Variants in RSPO4 observed in about 807,000 individuals in gnomAD.
The protein encoded by RSPO4 is R-spondin-4.
Under a neutral mutation model 24.8 loss-of-function variants are expected in RSPO4, and 23 were observed. The observed-to-expected ratio is 0.93, with a 90% confidence interval of 0.67 to 1.31. RSPO4 has a LOEUF of 1.31. Ranked by LOEUF, RSPO4 falls within the 40% of genes most tolerant of loss-of-function variation. RSPO4 has a pLI of 0.00. For synonymous variants in RSPO4, 141 were observed against 127.4 expected (o/e 1.11, Z -0.72); for missense variants, 333 against 316.5 (o/e 1.05, Z -0.39).
intron 1 of RSPO4, among the ~76,000 whole-genome samples, chr20:980,743 A>G (rs1984710487): frequency 6.6e-6 from 1 of 152,072 alleles, no homozygotes; most frequent in Non-Finnish European, 1.5e-5. Flanking sequence ...GCCAGTGGTG[A>G]TCTCAGATTT....
chr20:965,306 G>A (rs1032235968), intron 3 of RSPO4, among the ~76,000 whole-genome samples: 7 of 152,162 alleles, frequency 4.6e-5, no homozygotes, highest in African/African-American at 1.7e-4. Flanking sequence ...GACGGGAGGT[G>A]CTCCAAGTGA....
At chr20:997,305 G>A (rs1985326745) in intron 1 of RSPO4, among the ~76,000 whole-genome samples, 1 of 152,154 alleles carries the variant, frequency 6.6e-6, no homozygotes. Flanking sequence ...CCCCCGTGGT[G>A]GGGCAATGGG....
intron 1 of RSPO4, among the ~76,000 whole-genome samples, chr20:974,468 G>A (rs1434279830): frequency 6.6e-6 from 1 of 152,244 alleles, no homozygotes; most frequent in African/African-American, 2.4e-5. Flanking sequence ...GTGGGCACTA[G>A]CTAACAGAGG....
intron 1 of RSPO4, among the ~76,000 whole-genome samples, chr20:972,491 C>T (rs1984437214): frequency 6.6e-6 from 1 of 152,208 alleles, no homozygotes; most frequent in Non-Finnish European, 1.5e-5. Context: ...CCTGTACAGC[C>T]CCTTAGGAAA....
In RSPO4 at chr20:968,012, C is replaced by G; in HGVS notation, c.206G>C (p.Cys69Ser). Residue 69 changes from cysteine to serine, a missense_variant, in exon 2 of 5, where the codon TGC (cysteine) becomes TCC (serine). Transcript: ENST00000217260. ...RREGIRQYGKCLHDCPPGYFG... is the reference protein window; with the variant it reads ...RREGIRQYGKSLHDCPPGYFG... ...GTACCCAGGGGGACAGTCGTGCAGG[C>G]ACTTGCCGTACTGGCGGATGCCTTC... 6.2e-7 allele frequency: 1 copy of G among 1,614,254 alleles called. No homozygotes were observed. Among genetic ancestry groups the G allele is most frequent in the Non-Finnish European group, 8.5e-7 (1 of 1,180,044 alleles).
Position 960,149 on chromosome 20 carries a change from AGAG to A in RSPO4, c.*205_*207del, listed in dbSNP as rs1482279539. The A allele has an allele frequency of 6.8e-6, 4 of 589,316 alleles. No homozygotes were observed. The highest frequency in any genetic ancestry group is 4.2e-5 in the South Asian group (2 of 48,006). The allele number at this position is 589,316 out of a possible 1,614,324, so 36.5% of individuals were successfully genotyped here. The stretch of plus-strand genomic sequence containing the variant: ...GAAGGGAAGGAGGGAGGGAGAAAGG[AGAG>A]GAGAATGGAGGTGGAAGAAATAAAG... On this transcript the variant is annotated 3_prime_UTR_variant, in exon 5 of 5. Coordinates refer to ENST00000217260, the MANE Select transcript of RSPO4 (RefSeq NM_001029871.4).
At chr20:989,856 T>C (rs1985040221) in intron 1 of RSPO4, among the ~76,000 whole-genome samples, 1 of 152,198 alleles carries the variant, frequency 6.6e-6, no homozygotes, top group Non-Finnish European at 1.5e-5. Flanking sequence ...CGCGGGCCTC[T>C]GGGAGCTCTG....
At chr20:996,076 T>G (rs1019495933) in intron 1 of RSPO4, among the ~76,000 whole-genome samples, 1 of 152,194 alleles carries the variant, frequency 6.6e-6, no homozygotes, top group Non-Finnish European at 1.5e-5. Flanking sequence ...TTTGGATGTT[T>G]TTGTGTTGCC....
At chr20:963,866 T>G (rs897107776) in intron 4 of RSPO4, 69 bp downstream of exon 4, 28 of 1,485,946 alleles carry the variant, frequency 1.9e-5, no homozygotes, top group Middle Eastern at 2.3e-4. Flanking sequence ...TGTGGGGCAG[T>G]GATCTGAGTC....
At chr20:993,883 G>C (rs1437809416) in intron 1 of RSPO4, among the ~76,000 whole-genome samples, 1 of 152,178 alleles carries the variant, frequency 6.6e-6, no homozygotes, top group African/African-American at 2.4e-5. Flanking sequence ...ATAAGGCTGG[G>C]AGGCAATTAA....
intron 1 of RSPO4, among the ~76,000 whole-genome samples, chr20:990,051 G>C (rs934842129): frequency 6.6e-6 from 1 of 152,196 alleles, no homozygotes; most frequent in African/African-American, 2.4e-5. Context: ...GAGGCTCGGA[G>C]AGGTAAAGGG....
At chr20:997,020 GAGCCTCCA>G (rs1483553068) in intron 1 of RSPO4, among the ~76,000 whole-genome samples, 1 of 152,184 alleles carries the variant, frequency 6.6e-6, no homozygotes, top group Non-Finnish European at 1.5e-5. Flanking sequence ...ACGGGCTTCG[GAGCCTCCA>G]AAACTCTGGG....
intron 3 of RSPO4, among the ~76,000 whole-genome samples, chr20:964,679 CAT>C (rs1491468590): frequency 6.8e-6 from 1 of 147,946 alleles, no homozygotes; most frequent in Non-Finnish European, 1.5e-5. Context: ...TACATATATA[CAT>C]GTATATATAT....
At chr20:963,058 T>G (rs1439499405) in intron 4 of RSPO4, among the ~76,000 whole-genome samples, 1 of 152,252 alleles carries the variant, frequency 6.6e-6, no homozygotes, top group Non-Finnish European at 1.5e-5. Context: ...TGGCCTCTCT[T>G]CTATGTAAAT....
intron 1 of RSPO4, among the ~76,000 whole-genome samples, chr20:988,398 T>C (rs1424792185): frequency 5.3e-5 from 8 of 152,110 alleles, no homozygotes; most frequent in Admixed American, 2.6e-4. Context: ...TCTGGTGGCC[T>C]GGACGAGGCT....
intron 3 of RSPO4, among the ~76,000 whole-genome samples, chr20:965,621 T>C (rs759267527): frequency 2.6e-5 from 4 of 152,124 alleles, no homozygotes; most frequent in Non-Finnish European, 5.9e-5. Context: ...ACCCTGGCGA[T>C]AGGCAGGGGG....
chr20:988,397 C>T (rs1407692679), intron 1 of RSPO4, among the ~76,000 whole-genome samples: 1 of 152,106 alleles, frequency 6.6e-6, no homozygotes, highest in Non-Finnish European at 1.5e-5. Flanking sequence ...TTCTGGTGGC[C>T]TGGACGAGGC....
intron 4 of RSPO4, among the ~76,000 whole-genome samples, chr20:962,437 T>C (rs932190959): frequency 2.0e-5 from 3 of 151,916 alleles, no homozygotes. Context: ...ATTATTATTA[T>C]CCAGGGGAAA....
At chr20:966,850 T>C (rs563640570) in intron 3 of RSPO4, among the ~76,000 whole-genome samples, 1 of 151,734 alleles carries the variant, frequency 6.6e-6, no homozygotes, top group East Asian at 1.9e-4. Context: ...TGAGACCCTA[T>C]CTCAAACAAA....
Sources: gnomAD v4.1 joint callset for allele counts (sites outside exome capture counted in the v4.1 genomes callset) on GRCh38, gnomAD v4.1.1 for gene constraint, MANE v1.5 for transcripts, NCBI Gene and HGNC (gene_info 2026-07-23, HGNC 2026-07-21) for gene names.